Variants in TEX22 observed in about 807,000 individuals in gnomAD.
TEX22 encodes testis expressed 22.
In TEX22, 16 loss-of-function variants were observed where a neutral mutation model predicts 11.3. The observed-to-expected ratio is 1.42, with a 90% CI of 0.96 to 2.15. TEX22 has a LOEUF of 2.15. Among genes scored for constraint, TEX22 ranks in the 30% most tolerant of loss-of-function variants. The pLI is 0.00. For synonymous variants in TEX22, 97 were observed against 92.3 expected, an observed-to-expected ratio of 1.05 and a Z score of -0.29; for missense variants, 220 against 208.6, an observed-to-expected ratio of 1.05 and a Z score of -0.34.
chr14:105,406,362 A>G (rs1343116533), intron 2 of TEX22, among the ~76,000 whole-genome samples: 1 of 152,244 alleles, frequency 6.6e-6, no homozygotes, highest in African/African-American at 2.4e-5. Flanking sequence ...ATGTTTACCA[A>G]CCAGAATCTA....
At chr14:105,400,055 G>A (rs1368223438) in intron 2 of TEX22, among the ~76,000 whole-genome samples, 2 of 152,224 alleles carry the variant, frequency 1.3e-5, no homozygotes, top group Non-Finnish European at 2.9e-5. Flanking sequence ...GCCTTAGGAC[G>A]TTCTCTGAGG....
intron 2 of TEX22, among the ~76,000 whole-genome samples, chr14:105,410,444 T>C (rs1474714355): frequency 6.6e-6 from 1 of 152,254 alleles, no homozygotes; most frequent in Non-Finnish European, 1.5e-5. Flanking sequence ...CTTTATCCAT[T>C]GATCCATTGT....
chr14:105,411,534 CCCGCCCCGCCCCT>C (rs1269780906), intron 3 of TEX22, 38 bp downstream of exon 3: 24 of 1,115,566 alleles, frequency 2.2e-5, no homozygotes, highest in Non-Finnish European at 2.6e-5. Context: ...CCGTCCCCGC[CCCGCCCCGCCCCT>C]CCGCCTCGCC....
chr14:105,405,509 A>AC (rs1555418810), intron 2 of TEX22, among the ~76,000 whole-genome samples: 2 of 152,228 alleles, frequency 1.3e-5, no homozygotes, highest in African/African-American at 2.4e-5. Context: ...AGGGTTGTGA[A>AC]CGTGTGCAGC....
chr14:105,398,864 C>G (rs2081604216), intron 1 of TEX22, among the ~76,000 whole-genome samples: 1 of 152,218 alleles, frequency 6.6e-6, no homozygotes, highest in Non-Finnish European at 1.5e-5. Flanking sequence ...AGGCCTGGGC[C>G]GCGTGGAGGG....
chr14:105,405,748 G>C (rs1697190893), intron 2 of TEX22, among the ~76,000 whole-genome samples: 1 of 152,210 alleles, frequency 6.6e-6, no homozygotes, highest in Non-Finnish European at 1.5e-5. Flanking sequence ...TTTGTTCAGA[G>C]TTCAAAAGCA....
chr14:105,403,904 C>CTT (rs1555418663), intron 2 of TEX22, among the ~76,000 whole-genome samples: 1 of 152,250 alleles, frequency 6.6e-6, no homozygotes, highest in Non-Finnish European at 1.5e-5. Context: ...AGGCTGGTCT[C>CTT]TAACTCCTGG....
intron 2 of TEX22, among the ~76,000 whole-genome samples, chr14:105,408,927 A>G (rs2081673263): frequency 6.6e-6 from 1 of 151,534 alleles, no homozygotes; most frequent in South Asian, 2.1e-4. Flanking sequence ...TCCCTGGAGG[A>G]AATCATTGTG....
chr14:105,410,710 G>T (rs1555419253), intron 2 of TEX22, among the ~76,000 whole-genome samples: 1 of 152,142 alleles, frequency 6.6e-6, no homozygotes. Flanking sequence ...GGAGGTGGAG[G>T]ATGGTGAACC....
chr14:105,401,933 C>A (rs587634333), intron 2 of TEX22, among the ~76,000 whole-genome samples: 1 of 152,286 alleles, frequency 6.6e-6, no homozygotes, highest in Non-Finnish European at 1.5e-5. Context: ...TGCCTGTAAT[C>A]CCAACAATTC....
At chr14:105,409,624 C>G (rs587752800) in intron 2 of TEX22, among the ~76,000 whole-genome samples, 1 of 151,844 alleles carries the variant, frequency 6.6e-6, no homozygotes, top group African/African-American at 2.4e-5. Flanking sequence ...GCGATCCTCC[C>G]TCCTCAGCCT....
At chr14:105,402,535 A>G (rs1279809036) in intron 2 of TEX22, among the ~76,000 whole-genome samples, 1 of 151,832 alleles carries the variant, frequency 6.6e-6, no homozygotes, top group African/African-American at 2.4e-5. Flanking sequence ...CGGGCAGATC[A>G]CAAGGTCTGG....
chr14:105,409,832 A>G (rs1422229011), intron 2 of TEX22, among the ~76,000 whole-genome samples: 4 of 144,604 alleles, frequency 2.8e-5, no homozygotes, highest in African/African-American at 5.2e-5. Context: ...GCTGGAGTGC[A>G]GTGGCAAAAT....
rs1555419471 is a variant in TEX22 at position 105,412,015 on chromosome 14, TA to T, written c.*183del. 5 of 566,638 alleles carry T rather than the reference TA, an allele frequency of 8.8e-6. No individual in the cohort carries two copies. Among genetic ancestry groups the T allele is most frequent in the African/African-American group, 2.0e-5 (1 of 50,544 alleles). The allele number at this position is 566,638 out of a possible 1,614,324, so 35.1% of individuals were successfully genotyped here. ...GCTGCTGAGGCCTTGGAGACCGGGC[TA>T]GGGGCTATGGGAGGCCATCTAGGGG... On this transcript the variant is annotated 3_prime_UTR_variant, in exon 4 of 4. Transcript: ENST00000451127. The surrounding 1 kb of genome is among the most constrained non-coding windows in gnomAD (Gnocchi z 5.8).
rs780848031 is a variant in TEX22 at position 105,411,361 on chromosome 14, C to A, written c.151-7C>A. ...GGCCCTCGCCGACCCGCTGCCCTGT[C>A]CCCCAGGTGTGCGAGCCGCCGGAAC... On this transcript the variant is annotated splice_region_variant and splice_polypyrimidine_tract_variant and intron_variant, in intron 2 of 3. Coordinates refer to ENST00000451127, the MANE Select transcript of TEX22 (RefSeq NM_001195082.2). The A allele has an allele frequency of 2.2e-4, 287 of 1,329,994 alleles. No homozygotes were observed. Among genetic ancestry groups the A allele is most frequent in the Non-Finnish European group, 2.7e-4 (278 of 1,039,438 alleles). 82.4% of individuals were successfully genotyped at this position (1,329,994 alleles called of 1,614,324 possible).
intron 3 of TEX22, 25 bp from the exon 4 acceptor site, chr14:105,411,635 G>T: frequency 6.6e-7 from 1 of 1,511,974 alleles, no homozygotes; most frequent in Admixed American, 2.0e-5. Context: ...GCCCCTCGAG[G>T]CTCCCTGACC....
intron 2 of TEX22, among the ~76,000 whole-genome samples, chr14:105,403,765 A>G (rs145649165): frequency 4.6e-5 from 7 of 152,300 alleles, no homozygotes; most frequent in African/African-American, 1.7e-4. Flanking sequence ...AAAACAATTC[A>G]GTGTTTTTTA....
chr14:105,409,327 C>A (rs891869409), intron 2 of TEX22, among the ~76,000 whole-genome samples: 11 of 152,138 alleles, frequency 7.2e-5, no homozygotes, highest in Non-Finnish European at 1.6e-4. Context: ...TTTTGAGACT[C>A]TAAAGATATG....
chr14:105,402,773 AAG>A (rs1174985901), intron 2 of TEX22, among the ~76,000 whole-genome samples: 5 of 151,936 alleles, frequency 3.3e-5, no homozygotes, highest in South Asian at 2.1e-4. Context: ...AAAAAAAAAA[AAG>A]AGAAACCTGT....
Sources: allele counts gnomAD v4.1 joint callset (sites outside exome capture counted in the v4.1 genomes callset), GRCh38; gene constraint gnomAD v4.1.1; non-coding constraint Gnocchi (gnomAD v3.1); transcripts MANE v1.5; gene names NCBI Gene and HGNC (gene_info 2026-07-23, HGNC 2026-07-21).